The following SFMBT2 variants were observed in gnomAD, a reference collection of about 807,000 sequenced individuals.
The protein encoded by SFMBT2 is Scm like with four mbt domains 2, also known as scm-like with four MBT domains protein 2.
SFMBT2 carries 38 observed loss-of-function variants against 110.1 expected under a neutral mutation model. That is an observed-to-expected ratio of 0.35 (90% CI 0.27 to 0.45). The LOEUF (loss-of-function observed/expected upper bound fraction) is 0.45. SFMBT2 is among the 20% of genes least tolerant of loss of function. SFMBT2 has a pLI of 1.00. For missense variants in SFMBT2, 1,011 were observed against 1,094.9 expected (o/e 0.92, Z 1.08); for synonymous variants, 425 against 425.4 (o/e 1.00, Z 0.01).
rs767320428 is a variant in SFMBT2 at position 7,220,525 on chromosome 10, G to A, written c.1216C>T (p.Arg406Ter). The change falls in exon 11 of 21, where the codon CGA becomes TGA. Residue 406 changes from arginine (R) to a stop codon, truncating the protein, a stop_gained. Transcript: ENST00000397167. LOFTEE classifies it high-confidence loss of function. Reference protein sequence around the residue: ...PFCFRNTSFSRGFTKNMKLEA... With the variant: ...PFCFRNTSFS The stretch of plus-strand genomic sequence containing the variant: ...AGTTTCATGTTCTTTGTGAAACCTC[G>A]ACTGAATGATGTCTGCAAGAGAAAC... 1 of 1,613,960 alleles carries A rather than the reference G, an allele frequency of 6.2e-7. No individual in the cohort carries two copies. The highest frequency in any genetic ancestry group is 8.5e-7 in the Non-Finnish European group (1 of 1,179,996).
chr10:7,350,946 T>G (rs1844294854), intron 4 of SFMBT2, among the ~76,000 whole-genome samples: 1 of 152,250 alleles, frequency 6.6e-6, no homozygotes, highest in South Asian at 2.1e-4. Flanking sequence ...TGGATGGGGC[T>G]ATCCGCTCCT....
At chr10:7,215,713 T>G in intron 11 of SFMBT2, 1 of 985,288 alleles carries the variant, frequency 1.0e-6, no homozygotes, top group Non-Finnish European at 1.2e-6. Context: ...GGCCGATGAA[T>G]TTAAGCCCAC....
intron 6 of SFMBT2, among the ~76,000 whole-genome samples, chr10:7,281,181 G>C (rs1333088089): frequency 6.6e-6 from 1 of 152,202 alleles, no homozygotes; most frequent in African/African-American, 2.4e-5. Flanking sequence ...GGGAGGTTGA[G>C]GCTGCAATGA....
chr10:7,231,403 C>T (rs1270087216), intron 9 of SFMBT2, among the ~76,000 whole-genome samples: 1 of 152,224 alleles, frequency 6.6e-6, no homozygotes, highest in Non-Finnish European at 1.5e-5. Context: ...TTTTCTGACA[C>T]AGCCTGGCAT....
intron 10 of SFMBT2, among the ~76,000 whole-genome samples, chr10:7,222,331 C>T (rs930133424): frequency 1.3e-5 from 2 of 152,090 alleles, no homozygotes; most frequent in African/African-American, 4.8e-5. Flanking sequence ...TTCATGTAAA[C>T]GTAAGTATAT....
In SFMBT2 at chr10:7,404,886, T is replaced by A. The variant is rs553294181; in HGVS notation, c.-52+5975A>T. Among the ~76,000 whole-genome samples the A allele has an allele frequency of 2.0e-5, 3 of 152,352 alleles. No individual in the cohort carries two copies. In the South Asian group the frequency reaches 6.2e-4, roughly 32 times the overall value. Reference sequence around the variant, plus strand: ...ATGCAAAACCAATCCTGAAGGATTTTACTTGGAAACATTACATGAATCATG... The same window carrying A: ...ATGCAAAACCAATCCTGAAGGATTTAACTTGGAAACATTACATGAATCATG... On this transcript the variant is annotated intron_variant, in intron 1 of 20. Coordinates refer to ENST00000397167, the MANE Select transcript of SFMBT2 (RefSeq NM_001387889.1).
At chr10:7,286,405 A>G in intron 4 of SFMBT2, 1 of 974,544 alleles carries the variant, frequency 1.0e-6, no homozygotes, top group Non-Finnish European at 1.2e-6. Flanking sequence ...ATGGGCACAA[A>G]ATAACAAGAG....
intron 4 of SFMBT2, among the ~76,000 whole-genome samples, chr10:7,317,851 G>A (rs913049562): frequency 9.9e-5 from 15 of 152,202 alleles, no homozygotes; most frequent in African/African-American, 2.2e-4. Flanking sequence ...CCTGGTGGGC[G>A]TCATTTGGAA....
chr10:7,204,513 C>T (rs553982462), intron 12 of SFMBT2: 49 of 866,526 alleles, frequency 5.7e-5, no homozygotes, highest in African/African-American at 1.3e-4. Context: ...GAATAATAAA[C>T]GCAATGATTT....
intron 17 of SFMBT2, among the ~76,000 whole-genome samples, chr10:7,173,580 T>G (rs1588764613): frequency 6.6e-6 from 1 of 152,264 alleles, no homozygotes; most frequent in Admixed American, 6.5e-5. Flanking sequence ...CAGGTGTACA[T>G]CTTAATTCAA....
intron 4 of SFMBT2, among the ~76,000 whole-genome samples, chr10:7,346,357 A>C (rs569155290): frequency 8.5e-5 from 13 of 152,290 alleles, no homozygotes; most frequent in Admixed American, 5.2e-4. Flanking sequence ...AACAGTAAAA[A>C]CCAGATTGAA....
rs1837897142 is a variant in SFMBT2 at position 7,172,159 on chromosome 10, C to G, written c.2152-1G>C. The G allele has an allele frequency of 6.5e-7, 1 of 1,542,156 alleles. No individual in the cohort carries two copies. The highest frequency in any genetic ancestry group is 1.4e-5 in the African/African-American group (1 of 72,162). The stretch of plus-strand genomic sequence containing the variant: ...CGTCAGCGTCCTCCTCTTCACTTTC[C>G]TGGGAAGGAGGAAAAGGCATTTAAG... On this transcript the variant is annotated splice_acceptor_variant, in intron 18 of 20. Coordinates refer to ENST00000397167, the MANE Select transcript of SFMBT2 (RefSeq NM_001387889.1). LOFTEE classifies it high-confidence loss of function. This position sits in a 1 kb window ranked among gnomAD's most constrained non-coding sequence, Gnocchi z 4.6.
In SFMBT2 at chr10:7,276,006, C is replaced by T. The variant is rs569043443; in HGVS notation, c.870+886G>A. Among the ~76,000 whole-genome samples, 6 of 152,342 alleles carry T rather than the reference C, an allele frequency of 3.9e-5. No homozygotes were observed. The South Asian group carries it at 1.0e-3, about 26-fold the overall frequency. On this transcript the variant is annotated intron_variant, in intron 7 of 20. Coordinates refer to ENST00000397167, the MANE Select transcript of SFMBT2 (RefSeq NM_001387889.1). Reference sequence around the variant, plus strand: ...TCCAAGGACGCCAATGGTGTTGGGTCGCCGCCCACACTCCATGGGCCTGTT... The same window carrying T: ...TCCAAGGACGCCAATGGTGTTGGGTTGCCGCCCACACTCCATGGGCCTGTT...
At chr10:7,263,154 A>G (rs1435898935) in intron 7 of SFMBT2, among the ~76,000 whole-genome samples, 1 of 152,178 alleles carries the variant, frequency 6.6e-6, no homozygotes, top group African/African-American at 2.4e-5. Flanking sequence ...CCCAAGTTCA[A>G]TCAATGGCAC....
Position 7,284,064 on chromosome 10 carries a change from C to G in SFMBT2, c.612G>C (p.Trp204Cys), listed in dbSNP as rs768753453. 2 of 1,614,144 alleles carry G rather than the reference C, an allele frequency of 1.2e-6. No homozygotes were observed. The highest frequency in any genetic ancestry group is 1.7e-6 in the Non-Finnish European group (2 of 1,180,020). ...CAACATTTTCAATCACACTAACTATCCAGTACTGAAAAGGGTTCTGGGAAT... is the reference window on the plus strand; with the variant it reads ...CAACATTTTCAATCACACTAACTATGCAGTACTGAAAAGGGTTCTGGGAAT... ...LQDSQNPFQYWIVSVIENVGG... is the reference protein window; with the variant it reads ...LQDSQNPFQYCIVSVIENVGG... The change falls in exon 6 of 21, where the codon TGG becomes TGC. Residue 204 changes from tryptophan (W) to cysteine (C), a missense_variant. By Grantham distance (215) the Trp-to-Cys change is radical. Around this residue, in one of 2 missense-constraint regions of SFMBT2, gnomAD observed 979 missense variants for 1,016.1 expected, o/e 0.96. Coordinates refer to ENST00000397167, the MANE Select transcript of SFMBT2 (RefSeq NM_001387889.1).
intron 7 of SFMBT2, among the ~76,000 whole-genome samples, chr10:7,267,402 G>C (rs1209791188): frequency 6.6e-6 from 1 of 152,222 alleles, no homozygotes; most frequent in Non-Finnish European, 1.5e-5. Context: ...GAAGCGGAGA[G>C]AGGCTACAAG....
chr10:7,405,211 T>C (rs2132131001), intron 1 of SFMBT2, among the ~76,000 whole-genome samples: 1 of 152,298 alleles, frequency 6.6e-6, no homozygotes, highest in South Asian at 2.1e-4. Context: ...ATCCATATCA[T>C]AAACATGGAC....
intron 16 of SFMBT2, among the ~76,000 whole-genome samples, chr10:7,183,347 G>C (rs1218859332): frequency 6.6e-6 from 1 of 152,184 alleles, no homozygotes; most frequent in African/African-American, 2.4e-5. Flanking sequence ...CACATCAGGA[G>C]GGGCTGGGGC....
At position 7,200,391 on chromosome 10, in the gene SFMBT2, A is replaced by ACC. The variant is rs777267462; in HGVS notation, c.1558+21_1558+22dup. The ACC allele has an allele frequency of 1.9e-6, 3 of 1,546,740 alleles. No homozygotes were observed. In the South Asian group the frequency reaches 3.7e-5, roughly 19 times the overall value. On this transcript the variant is annotated intron_variant, in intron 14 of 20. Coordinates refer to ENST00000397167, the MANE Select transcript of SFMBT2 (RefSeq NM_001387889.1). ...GGCTGCACGGTGGGAAGGCACAGAG[A>ACC]CCCCCTAAATGGGACTGATTACCTG...
Sources: gnomAD v4.1 joint callset for allele counts (sites outside exome capture counted in the v4.1 genomes callset) on GRCh38, gnomAD v4.1.1 for gene constraint, gnomAD v4.1.1 regional missense constraint, Gnocchi (gnomAD v3.1) non-coding constraint, MANE v1.5 for transcripts, NCBI Gene and HGNC (gene_info 2026-07-23, HGNC 2026-07-21) for gene names.